KDM7A: variants seen among roughly 807,000 people sequenced by gnomAD.
The protein encoded by KDM7A is lysine-specific demethylase 7A.
In KDM7A, 28 loss-of-function variants were observed where a neutral mutation model predicts 114.8. The ratio of observed to expected loss-of-function variants is 0.24; its 90% confidence interval spans 0.18 to 0.33. The LOEUF (loss-of-function observed/expected upper bound fraction) is 0.33. Ranked by LOEUF, KDM7A falls within the 10% of genes least tolerant of loss-of-function variation. KDM7A has a pLI of 1.00. For synonymous variants in KDM7A, 423 were observed against 397.8 expected (o/e 1.06, Z -0.75); for missense variants, 942 against 1,142.5 (o/e 0.82, Z 2.53).
chr7:140,111,219 G>A (rs1248517315), intron 10 of KDM7A, 35 bp from the exon 11 acceptor site: 1 of 1,368,000 alleles, frequency 7.3e-7, no homozygotes, highest in Non-Finnish European at 1.0e-6. Context: ...GAAAACCAAA[G>A]TTATTTACAC....
intron 7 of KDM7A, among the ~76,000 whole-genome samples, chr7:140,121,742 T>C (rs1357832963): frequency 6.6e-6 from 1 of 152,146 alleles, no homozygotes; most frequent in Non-Finnish European, 1.5e-5. Flanking sequence ...TTCATATAGG[T>C]ACAAAGCCTG....
chr7:140,101,292 T>C (rs1443138365), intron 12 of KDM7A, among the ~76,000 whole-genome samples: 1 of 152,168 alleles, frequency 6.6e-6, no homozygotes. Context: ...AGGCCAGCAC[T>C]TCACGAAGTT....
At chr7:140,157,988 AAATAAATAATAATAAT>A (rs1334265439) in intron 1 of KDM7A, among the ~76,000 whole-genome samples, 1 of 114,446 alleles carries the variant, frequency 8.7e-6, no homozygotes, top group Non-Finnish European at 1.9e-5. Flanking sequence ...ATAAATAAAT[AAATAAATAATAATAAT>A]AATAATAATA....
Position 140,084,950 on chromosome 7 carries a change from C to T in KDM7A, c.*6144G>A, listed in dbSNP as rs1817898536. On this transcript the variant is annotated 3_prime_UTR_variant, in exon 20 of 20. Transcript: ENST00000397560. Reference sequence around the variant, plus strand: ...AACTTTAAACAAGTCACTTGTCCTCCCCTATAATAATCAATGTAAGCTACT... The same window carrying T: ...AACTTTAAACAAGTCACTTGTCCTCTCCTATAATAATCAATGTAAGCTACT... 1 of 152,134 alleles carries T rather than the reference C, an allele frequency of 6.6e-6. No individual in the cohort carries two copies. The highest frequency in any genetic ancestry group is 2.1e-4 in the South Asian group (1 of 4,826). The allele number at this position is 152,134 out of a possible 1,614,324, so 9.4% of individuals were successfully genotyped here. A position where few individuals can be genotyped will look rare whatever the true frequency, so the allele number is the denominator to read the frequency against.
At chr7:140,118,668 C>T (rs975721886) in intron 9 of KDM7A, among the ~76,000 whole-genome samples, 1 of 139,256 alleles carries the variant, frequency 7.2e-6, no homozygotes, top group Non-Finnish European at 1.6e-5. Flanking sequence ...CTGCCTGCCT[C>T]GGCCTCCCAA....
chr7:140,092,155 G>A (rs1818030809), intron 18 of KDM7A, 78 bp from the exon 19 acceptor site: 5 of 1,350,000 alleles, frequency 3.7e-6, no homozygotes, highest in Middle Eastern at 2.1e-4. Flanking sequence ...CATTGGCAAA[G>A]TCAAGTGAGA....
chr7:140,175,020 T>C (rs532330584), intron 1 of KDM7A, among the ~76,000 whole-genome samples: 2 of 152,350 alleles, frequency 1.3e-5, no homozygotes, highest in African/African-American at 2.4e-5. Context: ...TTATTCTATA[T>C]AGAACCTAAA....
At chr7:140,092,742 T>C (rs1182584956) in intron 18 of KDM7A, among the ~76,000 whole-genome samples, 1 of 152,240 alleles carries the variant, frequency 6.6e-6, no homozygotes, top group African/African-American at 2.4e-5. Context: ...CAGTTTTCAT[T>C]ATGCTAATCA....
chr7:140,106,630 G>C (rs1267131023), intron 11 of KDM7A, among the ~76,000 whole-genome samples: 1 of 152,184 alleles, frequency 6.6e-6, no homozygotes, highest in Admixed American at 6.5e-5. Flanking sequence ...GTTCTAGTTT[G>C]ATTGCACTGT....
At chr7:140,137,499 T>TTA (rs2116818334) in intron 2 of KDM7A, among the ~76,000 whole-genome samples, 1 of 152,306 alleles carries the variant, frequency 6.6e-6, no homozygotes, top group African/African-American at 2.4e-5. Context: ...ATCATATTAT[T>TTA]TATTTACTTT....
At chr7:140,106,246 T>A (rs1466082730) in intron 11 of KDM7A, among the ~76,000 whole-genome samples, 1 of 152,176 alleles carries the variant, frequency 6.6e-6, no homozygotes, top group Non-Finnish European at 1.5e-5. Flanking sequence ...GCTCCTAGAT[T>A]CATTGATTTT....
At chr7:140,164,168 A>C (rs1243573043) in intron 1 of KDM7A, among the ~76,000 whole-genome samples, 2 of 152,234 alleles carry the variant, frequency 1.3e-5, no homozygotes, top group African/African-American at 4.8e-5. Flanking sequence ...TAGGAAAGTG[A>C]GAAGCAAAAA....
chr7:140,098,762 G>C, intron 14 of KDM7A, 117 bp downstream of exon 14: 1 of 837,290 alleles, frequency 1.2e-6, no homozygotes, highest in Non-Finnish European at 1.9e-6. Flanking sequence ...GACAGTTTTA[G>C]GGACACAAAA....
At chr7:140,125,828 T>C (rs565471168) in intron 6 of KDM7A, among the ~76,000 whole-genome samples, 1 of 152,320 alleles carries the variant, frequency 6.6e-6, no homozygotes, top group African/African-American at 2.4e-5. Flanking sequence ...CTCAACTTCC[T>C]GGGCTCAAGT....
rs1264962408 is a variant in KDM7A, at chr7:140,176,904, C to G, written c.34G>C (p.Ala12Pro). The G allele has an allele frequency of 1.2e-5, 14 of 1,175,010 alleles. No homozygotes were observed. Among genetic ancestry groups the G allele is most frequent in the Non-Finnish European group, 1.5e-5 (14 of 944,646 alleles). 72.8% of individuals were successfully genotyped at this position (1,175,010 alleles called of 1,614,324 possible). A position where few individuals can be genotyped will look rare whatever the true frequency, so the allele number is the denominator to read the frequency against. The stretch of plus-strand genomic sequence containing the variant: ...GCTGCCGCGGCGGCTCCAGCTGCTG[C>G]TCCCGCGGCCACCGCCGCCGCCGCT... ...AGAAAAVAAG[A>P]AAGAAAAAVS... Residue 12 changes from alanine (A) to proline (P), a missense_variant, in exon 1 of 20, where the codon GCA (alanine) becomes CCA (proline). This residue lies in a region of KDM7A where 112 missense variants were observed against 96.2 expected (regional missense o/e 1.16). Coordinates refer to ENST00000397560, the MANE Select transcript of KDM7A (RefSeq NM_030647.2). The surrounding 1 kb of genome is among the most constrained non-coding windows in gnomAD (Gnocchi z 4.4).
intron 9 of KDM7A, among the ~76,000 whole-genome samples, chr7:140,115,894 T>A (rs1253981225): frequency 2.1e-5 from 3 of 140,540 alleles, no homozygotes; most frequent in Non-Finnish European, 3.1e-5. Flanking sequence ...ATTTTTATCA[T>A]AAAAAAAAAA....
intron 1 of KDM7A, among the ~76,000 whole-genome samples, chr7:140,145,803 G>GA (rs1045892005): frequency 1.3e-5 from 2 of 151,498 alleles, no homozygotes; most frequent in Admixed American, 1.3e-4. Flanking sequence ...AAGAATTAGA[G>GA]AAAAAAAATG....
chr7:140,170,958 G>A (rs1794631398), intron 1 of KDM7A, among the ~76,000 whole-genome samples: 1 of 152,074 alleles, frequency 6.6e-6, no homozygotes, highest in Non-Finnish European at 1.5e-5. Flanking sequence ...TAGGGTGCAT[G>A]GCACATCTGT....
chr7:140,128,017 C>T (rs1402454265), intron 4 of KDM7A, among the ~76,000 whole-genome samples: 4 of 151,012 alleles, frequency 2.6e-5, no homozygotes, highest in Admixed American at 1.3e-4. Context: ...TATTCTAAGG[C>T]TATCATTTCA....
Sources: allele counts gnomAD v4.1 joint callset (sites outside exome capture counted in the v4.1 genomes callset), GRCh38; gene constraint gnomAD v4.1.1; regional missense constraint gnomAD v4.1.1; non-coding constraint Gnocchi (gnomAD v3.1); transcripts MANE v1.5; gene names NCBI Gene and HGNC (gene_info 2026-07-23, HGNC 2026-07-21).